Variants in FBXL7 observed in about 807,000 individuals in gnomAD.
The protein encoded by FBXL7 is F-box/LRR-repeat protein 7.
FBXL7 carries 12 observed loss-of-function variants against 38.3 expected under a neutral mutation model. That is an observed-to-expected ratio of 0.31 (90% CI 0.20 to 0.51). The LOEUF (loss-of-function observed/expected upper bound fraction) is 0.51, where lower values mean the gene tolerates loss of function less well. Among genes scored for constraint, FBXL7 ranks in the 20% least tolerant of loss-of-function variants. The pLI is 0.98. For missense variants in FBXL7, 567 were observed against 676.4 expected (o/e 0.84, Z 1.79); for synonymous variants, 297 against 300.9 (o/e 0.99, Z 0.13).
chr5:15,681,626 C>T (rs1435288868), intron 2 of FBXL7, among the ~76,000 whole-genome samples: 1 of 152,072 alleles, frequency 6.6e-6, no homozygotes. Flanking sequence ...GGTATGTGTT[C>T]TATTTTTATA....
chr5:15,512,598 A>G (rs966948998), intron 1 of FBXL7, among the ~76,000 whole-genome samples: 1 of 152,204 alleles, frequency 6.6e-6, no homozygotes, highest in Non-Finnish European at 1.5e-5. Context: ...TTCTGAGGAT[A>G]TTCTAGTTTG....
intron 2 of FBXL7, among the ~76,000 whole-genome samples, chr5:15,727,854 T>C (rs1561102182): frequency 6.6e-6 from 1 of 152,132 alleles, no homozygotes; most frequent in South Asian, 2.1e-4. Flanking sequence ...ACAATGCACG[T>C]ATTGGTTTGC....
At chr5:15,909,468 C>A (rs1741404150) in intron 2 of FBXL7, among the ~76,000 whole-genome samples, 1 of 37,570 alleles carries the variant, frequency 2.7e-5, no homozygotes, top group Non-Finnish European at 5.3e-5. Flanking sequence ...TTCAAAAAAC[C>A]AGCTCCTGGA....
intron 1 of FBXL7, among the ~76,000 whole-genome samples, chr5:15,532,776 C>T (rs1737466604): frequency 2.0e-5 from 3 of 152,216 alleles, no homozygotes; most frequent in East Asian, 1.9e-4. Context: ...AGTTAAAGAA[C>T]ACTGATTTCA....
intron 2 of FBXL7, among the ~76,000 whole-genome samples, chr5:15,788,975 A>C (rs993526674): frequency 6.6e-6 from 1 of 150,522 alleles, no homozygotes; most frequent in Non-Finnish European, 1.5e-5. Context: ...CTCAGCCTCC[A>C]GAGTATCTGG....
intron 1 of FBXL7, among the ~76,000 whole-genome samples, chr5:15,611,790 C>G (rs886764886): frequency 6.6e-6 from 1 of 151,396 alleles, no homozygotes; most frequent in Non-Finnish European, 1.5e-5. Flanking sequence ...TGAGACCAGC[C>G]TGGGCAACAT....
At chr5:15,894,377 T>C (rs1741029841) in intron 2 of FBXL7, among the ~76,000 whole-genome samples, 1 of 152,240 alleles carries the variant, frequency 6.6e-6, no homozygotes, top group South Asian at 2.1e-4. Flanking sequence ...ACAGCTAGCT[T>C]ATAATGTTCT....
At chr5:15,560,937 A>G (rs4702085) in intron 1 of FBXL7, among the ~76,000 whole-genome samples, 10,362 of 152,234 alleles carry the variant, frequency 0.068, 580 homozygotes, top group African/African-American at 0.15. Flanking sequence ...TTTAAGGTGT[A>G]CAATGTGATG....
At chr5:15,780,293 T>G (rs1201065207) in intron 2 of FBXL7, among the ~76,000 whole-genome samples, 3 of 152,106 alleles carry the variant, frequency 2.0e-5, no homozygotes, top group African/African-American at 7.2e-5. Context: ...CATATTTGTG[T>G]TACTGGAAGG....
intron 3 of FBXL7, among the ~76,000 whole-genome samples, chr5:15,935,590 G>T (rs963393630): frequency 6.6e-6 from 1 of 152,046 alleles, no homozygotes; most frequent in Admixed American, 6.5e-5. Flanking sequence ...TGGCAAATAG[G>T]GGTGTGGGGA....
At chr5:15,663,834 A>T (rs1417316083) in intron 2 of FBXL7, among the ~76,000 whole-genome samples, 1 of 152,296 alleles carries the variant, frequency 6.6e-6, no homozygotes, top group Non-Finnish European at 1.5e-5. Context: ...CCTCTTAGCG[A>T]ATTTTAAGTA....
intron 2 of FBXL7, among the ~76,000 whole-genome samples, chr5:15,883,791 G>A (rs1185297106): frequency 6.6e-6 from 1 of 152,134 alleles, no homozygotes; most frequent in African/African-American, 2.4e-5. Flanking sequence ...ATTTTTACCA[G>A]ACCATTCCAA....
At chr5:15,836,399 G>C (rs1236389493) in intron 2 of FBXL7, among the ~76,000 whole-genome samples, 1 of 152,120 alleles carries the variant, frequency 6.6e-6, no homozygotes, top group Admixed American at 6.6e-5. Context: ...AAAAGAAAAA[G>C]AAAAACTAGA....
intron 1 of FBXL7, among the ~76,000 whole-genome samples, chr5:15,566,351 G>A (rs1322386122): frequency 6.6e-6 from 1 of 152,160 alleles, no homozygotes; most frequent in Non-Finnish European, 1.5e-5. Flanking sequence ...TCAATTATAA[G>A]TTGAGTTGGC....
intron 2 of FBXL7, among the ~76,000 whole-genome samples, chr5:15,665,428 A>G (rs748038596): frequency 3.5e-4 from 54 of 152,184 alleles, no homozygotes; most frequent in Non-Finnish European, 6.5e-4. Flanking sequence ...TGCCAAAGTT[A>G]AAAGGATTCT....
At chr5:15,815,660 T>C (rs990271671) in intron 2 of FBXL7, among the ~76,000 whole-genome samples, 1 of 152,172 alleles carries the variant, frequency 6.6e-6, no homozygotes, top group Non-Finnish European at 1.5e-5. Context: ...ATACAGGATT[T>C]ATACTCAATT....
intron 1 of FBXL7, among the ~76,000 whole-genome samples, chr5:15,574,052 T>C (rs934470947): frequency 6.6e-6 from 1 of 152,244 alleles, no homozygotes; most frequent in Non-Finnish European, 1.5e-5. Flanking sequence ...GTGGAATTCA[T>C]TTTCCCAGAA....
At chr5:15,557,487 A>G (rs1286499624) in intron 1 of FBXL7, among the ~76,000 whole-genome samples, 1 of 152,238 alleles carries the variant, frequency 6.6e-6, no homozygotes, top group Non-Finnish European at 1.5e-5. Context: ...CTATGGCATA[A>G]GGCTTCTAAA....
chr5:15,777,720 T>TAAAAAAAAAAAAAAAAAA lies in FBXL7; in HGVS notation c.128-150161_128-150144dup, dbSNP rs371293320. Among the ~76,000 whole-genome samples, 104 of 82,488 alleles carry TAAAAAAAAAAAAAAAAAA rather than the reference T, an allele frequency of 1.3e-3. 2 individuals carry two copies. The highest frequency in any genetic ancestry group is 1.7e-3 in the Non-Finnish European group (77 of 45,778). 54.1% of individuals were successfully genotyped at this position (82,488 alleles called of 152,430 possible). A position where few individuals can be genotyped will look rare whatever the true frequency, so the allele number is the denominator to read the frequency against. ...TATTGTTTGCAAACCCCTATTCTGGTAAAAAAAAAAAAAAAAAAAAAAAAA... is the reference window on the plus strand; with the variant it reads ...TATTGTTTGCAAACCCCTATTCTGGTAAAAAAAAAAAAAAAAAAAAAAAAAAAAAAAAAAAAAAAAAAA... On this transcript the variant is annotated intron_variant, in intron 2 of 3. Coordinates refer to ENST00000504595, the MANE Select transcript of FBXL7 (RefSeq NM_012304.5).
Sources: gnomAD v4.1 joint callset for allele counts (sites outside exome capture counted in the v4.1 genomes callset) on GRCh38, gnomAD v4.1.1 for gene constraint, MANE v1.5 for transcripts, NCBI Gene and HGNC (gene_info 2026-07-23, HGNC 2026-07-21) for gene names.